Variants in CCDC25 observed in about 807,000 individuals in gnomAD.
CCDC25 encodes the protein coiled-coil domain containing 25.
Under a neutral mutation model 35.3 loss-of-function variants are expected in CCDC25, and 16 were observed. That is an observed-to-expected ratio of 0.45 (90% CI 0.31 to 0.69). CCDC25 has a LOEUF of 0.69. CCDC25 is among the 30% of genes least tolerant of loss of function. The probability of loss-of-function intolerance (pLI) is 0.06; values close to 1 mark genes in which losing one functional copy is unlikely to be tolerated. For synonymous variants in CCDC25, 79 were observed against 80.3 expected, an observed-to-expected ratio of 0.98 and a Z score of 0.09; for missense variants, 179 against 250.7, an observed-to-expected ratio of 0.71 and a Z score of 1.93.
intron 3 of CCDC25, among the ~76,000 whole-genome samples, chr8:27,760,721 CCCACTTGAGGCAAAAGAG>C (rs1780791329): frequency 6.6e-6 from 1 of 152,152 alleles, no homozygotes; most frequent in South Asian, 2.1e-4. Flanking sequence ...TTGCACACTG[CCCACTTGAGGCAAAAGAG>C]CACCAAGCAG....
intron 2 of CCDC25, chr8:27,764,621 G>A (rs902124462): frequency 4.3e-5 from 10 of 230,238 alleles, no homozygotes; most frequent in African/African-American, 2.1e-4. Context: ...ACAGCAAAAT[G>A]CCACTCCAGA....
At chr8:27,759,772 T>A (rs2128944323) in intron 3 of CCDC25, among the ~76,000 whole-genome samples, 1 of 29,758 alleles carries the variant, frequency 3.4e-5, no homozygotes, top group East Asian at 2.3e-3. Context: ...AGAGCAAGAC[T>A]CTGTCTCAAA....
chr8:27,753,718 T>A (rs1031440555), intron 4 of CCDC25, among the ~76,000 whole-genome samples: 1 of 152,218 alleles, frequency 6.6e-6, no homozygotes, highest in Admixed American at 6.5e-5. Context: ...AAAATGAAAC[T>A]TGGTAACACC....
chr8:27,768,048 AT>A (rs956008692), intron 1 of CCDC25, among the ~76,000 whole-genome samples: 86 of 98,488 alleles, frequency 8.7e-4, no homozygotes, highest in Non-Finnish European at 1.4e-3. Flanking sequence ...TAAAAAAAAA[AT>A]TTTTTTAATT....
At chr8:27,762,267 A>C (rs1804253152) in intron 3 of CCDC25, 152 bp downstream of exon 3, 3 of 672,354 alleles carry the variant, frequency 4.5e-6, no homozygotes, top group Non-Finnish European at 2.6e-6. Flanking sequence ...CCAACTTGCA[A>C]GGTAATTAGA....
intron 2 of CCDC25, among the ~76,000 whole-genome samples, chr8:27,762,864 T>C (rs991254777): frequency 1.3e-5 from 2 of 152,186 alleles, no homozygotes; most frequent in East Asian, 3.9e-4. Flanking sequence ...AACTTGATTA[T>C]AAAATTACAG....
chr8:27,745,764 C>T (rs912755852), intron 7 of CCDC25, among the ~76,000 whole-genome samples: 12 of 152,346 alleles, frequency 7.9e-5, no homozygotes, highest in Admixed American at 2.0e-4. Flanking sequence ...CCACGTTCTT[C>T]TGTCTTCTGC....
chr8:27,751,596 C>T (rs1344971799), intron 5 of CCDC25, among the ~76,000 whole-genome samples: 1 of 152,204 alleles, frequency 6.6e-6, no homozygotes, highest in Non-Finnish European at 1.5e-5. Context: ...CTTCCCAAAC[C>T]ATGATTGCTT....
chr8:27,771,537 C>G (rs1384296332), intron 1 of CCDC25, among the ~76,000 whole-genome samples: 1 of 152,006 alleles, frequency 6.6e-6, no homozygotes, highest in Non-Finnish European at 1.5e-5. Context: ...CTCTCAAAAC[C>G]TTATTGTACT....
intron 1 of CCDC25, among the ~76,000 whole-genome samples, chr8:27,768,193 A>T (rs1038462613): frequency 1.3e-5 from 2 of 152,082 alleles, no homozygotes; most frequent in African/African-American, 4.8e-5. Flanking sequence ...CTCAAAAAAA[A>T]TTGGGGGACT....
In CCDC25 at chr8:27,735,046, A is replaced by G. The variant is rs1348040363; in HGVS notation, c.*1170T>C. The G allele has an allele frequency of 6.6e-6, 1 of 152,372 alleles. No individual in the cohort carries two copies. Among genetic ancestry groups the G allele is most frequent in the Admixed American group, 6.5e-5 (1 of 15,274 alleles). The allele number at this position is 152,372 out of a possible 1,614,324, so 9.4% of individuals were successfully genotyped here. A position where few individuals can be genotyped will look rare whatever the true frequency, so the allele number is the denominator to read the frequency against. On this transcript the variant is annotated 3_prime_UTR_variant, in exon 9 of 9. Coordinates refer to ENST00000356537, the MANE Select transcript of CCDC25 (RefSeq NM_018246.3). ...GCAAATTCTAAGAATTCATATATCA[A>G]TGTCCTTCCAGATTAAAAAAATGGT...
chr8:27,745,317 C>G (rs931547263), intron 7 of CCDC25, among the ~76,000 whole-genome samples: 1 of 152,088 alleles, frequency 6.6e-6, no homozygotes, highest in African/African-American at 2.4e-5. Flanking sequence ...TTTAAATATC[C>G]CTCTCTCAGG....
intron 8 of CCDC25, among the ~76,000 whole-genome samples, chr8:27,739,887 G>A (rs1803376329): frequency 6.6e-6 from 1 of 152,098 alleles, no homozygotes; most frequent in African/African-American, 2.4e-5. Flanking sequence ...AGCCCTCAAG[G>A]ACAATAATTC....
intron 7 of CCDC25, 80 bp downstream of exon 7, chr8:27,747,997 G>A (rs1005391107): frequency 8.8e-6 from 12 of 1,358,494 alleles, no homozygotes; most frequent in African/African-American, 5.8e-5. Flanking sequence ...CCAATATATC[G>A]TTCTTAATGG....
intron 8 of CCDC25, among the ~76,000 whole-genome samples, chr8:27,739,897 C>A (rs1025896518): frequency 2.0e-5 from 3 of 152,152 alleles, no homozygotes; most frequent in African/African-American, 4.8e-5. Flanking sequence ...GACAATAATT[C>A]TCTGACATAG....
Position 27,772,592 on chromosome 8 carries a change from A to G in CCDC25, c.-52T>C. ...ACCGCGGAGCAGCAGCGCTCAACTC[A>G]CGAAGCTCAGGATACCAGACTCGCG... On this transcript the variant is annotated 5_prime_UTR_variant, in exon 1 of 9. Transcript: ENST00000356537. The G allele has an allele frequency of 2.0e-6, 3 of 1,536,136 alleles. No individual in the cohort carries two copies. The highest frequency in any genetic ancestry group is 1.8e-6 in the Non-Finnish European group (2 of 1,136,144).
intron 3 of CCDC25, 45 bp from the exon 4 acceptor site, chr8:27,756,815 C>T: frequency 7.3e-7 from 1 of 1,362,948 alleles, no homozygotes; most frequent in Non-Finnish European, 1.1e-6. Context: ...ACAAGACAAT[C>T]ATCTCCTCAG....
Position 27,733,914 on chromosome 8 carries a change from C to G in CCDC25, c.*2302G>C, listed in dbSNP as rs1163929366. 6 of 152,186 alleles carry G rather than the reference C, an allele frequency of 3.9e-5. No individual in the cohort carries two copies. Among genetic ancestry groups the G allele is most frequent in the Non-Finnish European group, 8.8e-5 (6 of 68,038 alleles). 9.4% of individuals were successfully genotyped at this position (152,186 alleles called of 1,614,324 possible). On this transcript the variant is annotated 3_prime_UTR_variant, in exon 9 of 9. Coordinates refer to ENST00000356537, the MANE Select transcript of CCDC25 (RefSeq NM_018246.3). ...CTTAAACTAGAAGCTGCAGCTGAAA[C>G]TCTCCCCGTCTAATCCTGCTGTGTG...
chr8:27,741,236 T>C (rs1363725565), intron 7 of CCDC25, among the ~76,000 whole-genome samples: 1 of 152,212 alleles, frequency 6.6e-6, no homozygotes. Context: ...TCATTAAATA[T>C]CCATGTGCAT....
Sources: gnomAD v4.1 joint callset for allele counts (sites outside exome capture counted in the v4.1 genomes callset) on GRCh38, gnomAD v4.1.1 for gene constraint, MANE v1.5 for transcripts, NCBI Gene and HGNC (gene_info 2026-07-23, HGNC 2026-07-21) for gene names.